Variants in ADGRL1 observed in about 807,000 individuals in gnomAD.
ADGRL1 encodes the protein CIRL-1.
In ADGRL1, 31 loss-of-function variants were observed where a neutral mutation model predicts 148.9. The ratio of observed to expected loss-of-function variants is 0.21; its 90% confidence interval spans 0.16 to 0.28. The LOEUF is 0.28. Among genes scored for constraint, ADGRL1 ranks in the 10% least tolerant of loss-of-function variants. The pLI is 1.00. For missense variants in ADGRL1, 1,521 were observed against 2,058.8 expected, an observed-to-expected ratio of 0.74 and a Z score of 5.05; for synonymous variants, 937 against 900.3, an observed-to-expected ratio of 1.04 and a Z score of -0.73.
In ADGRL1 at chr19:14,152,727, CCT is replaced by C. The variant is rs1192645305; in HGVS notation, c.3423+55_3423+56del. The C allele has an allele frequency of 6.2e-7, 1 of 1,604,364 alleles. No individual in the cohort carries two copies. The highest frequency in any genetic ancestry group is 1.3e-5 in the African/African-American group (1 of 74,774). ...GAAACCTAGGCCAAGCCACTCCCCA[CCT>C]CTCAGGCTCCAGGTTCCAACACTCA... On this transcript the variant is annotated intron_variant, in intron 19 of 22. Transcript: ENST00000361434. This position sits in a 1 kb window ranked among gnomAD's most constrained non-coding sequence, Gnocchi z 6.1.
At chr19:14,175,334 C>T (rs1970745135) in intron 3 of ADGRL1, among the ~76,000 whole-genome samples, 1 of 151,924 alleles carries the variant, frequency 6.6e-6, no homozygotes, top group Non-Finnish European at 1.5e-5. Context: ...TCCACATACA[C>T]ACATCTGCCC....
At chr19:14,156,808 T>C in intron 15 of ADGRL1, 84 bp from the exon 16 acceptor site, 1 of 1,529,294 alleles carries the variant, frequency 6.5e-7, no homozygotes, top group South Asian at 1.2e-5. Flanking sequence ...CTCTGCAGGC[T>C]GCAGCCTCTG....
At position 14,161,365 on chromosome 19, in the gene ADGRL1, G is replaced by C; in HGVS notation, c.1457C>G (p.Pro486Arg). Residue 486 changes from proline to arginine, a missense_variant, in exon 6 of 23, where the codon CCG becomes CGG. This residue lies in a region of ADGRL1 where 270 missense variants were observed against 320.4 expected (regional missense o/e 0.84). Transcript: ENST00000361434. The surrounding 1 kb of genome is among the most constrained non-coding windows in gnomAD (Gnocchi z 4.4). ...CACCAGCATGCCCTGCTGGGTGGCC[G>C]GCCACTGGACCCGCCGTACCTCTCG... is the stretch of plus-strand genomic sequence containing the variant. ...EPREVRRVQW[P>R]ATQQGMLVER... The C allele has an allele frequency of 6.3e-7, 1 of 1,579,594 alleles. No individual in the cohort carries two copies. The highest frequency in any genetic ancestry group is 8.6e-7 in the Non-Finnish European group (1 of 1,165,168).
chr19:14,179,222 C>T (rs1331454933), intron 2 of ADGRL1, among the ~76,000 whole-genome samples: 1 of 151,638 alleles, frequency 6.6e-6, no homozygotes. Flanking sequence ...AGGTCAGGCA[C>T]GGTGGCTCAC....
intron 1 of ADGRL1, chr19:14,191,059 C>G (rs1041234524): frequency 2.2e-6 from 1 of 445,810 alleles, no homozygotes; most frequent in African/African-American, 2.0e-5. Context: ...CCGACTCTAG[C>G]CTGGCCGACA....
rs564836963 is a variant in ADGRL1 at position 14,188,614 on chromosome 19, G to A, written c.-95-4917C>T. ...ACCCCTAAATCCAGTTCAAGAGTAA[G>A]TCTTTGGGCTGTGTATACTTCCAGA... On this transcript the variant is annotated intron_variant, in intron 1 of 22. Transcript: ENST00000361434. 2.0e-5 allele frequency among the ~76,000 whole-genome samples: 3 copies of A among 152,282 alleles called. No homozygotes were observed. The East Asian group carries it at 5.8e-4, about 29-fold the overall frequency.
chr19:14,151,730 A>C (rs1968219788), intron 22 of ADGRL1, 115 bp from the exon 23 acceptor site: 1 of 1,046,336 alleles, frequency 9.6e-7, no homozygotes, highest in Non-Finnish European at 1.4e-6. Flanking sequence ...GGTTTTCCGT[A>C]GGCTTCCCCC....
At chr19:14,193,479 G>A (rs1442458286) in intron 1 of ADGRL1, among the ~76,000 whole-genome samples, 1 of 151,990 alleles carries the variant, frequency 6.6e-6, no homozygotes, top group African/African-American at 2.4e-5. Context: ...CCCAGCTACT[G>A]GGAAGGCTGA....
chr19:14,164,441 C>T (rs1241013245), intron 4 of ADGRL1, among the ~76,000 whole-genome samples: 1 of 151,926 alleles, frequency 6.6e-6, no homozygotes, highest in African/African-American at 2.4e-5. Context: ...TTAGTGCTGG[C>T]GGAGGAGAGA....
chr19:14,176,718 A>G (rs934848880), intron 3 of ADGRL1, among the ~76,000 whole-genome samples: 2 of 152,084 alleles, frequency 1.3e-5, no homozygotes, highest in African/African-American at 4.8e-5. Flanking sequence ...AGGCGCCTGT[A>G]GTCCCAGCTA....
At chr19:14,186,036 G>A (rs1297330884) in intron 1 of ADGRL1, among the ~76,000 whole-genome samples, 1 of 152,146 alleles carries the variant, frequency 6.6e-6, no homozygotes, top group Non-Finnish European at 1.5e-5. Flanking sequence ...TTTTGCTCAT[G>A]GTGGCCGTAT....
At chr19:14,204,606 T>A (rs1453056025) in intron 1 of ADGRL1, among the ~76,000 whole-genome samples, 1 of 151,772 alleles carries the variant, frequency 6.6e-6, no homozygotes, top group Admixed American at 6.6e-5. Context: ...TGTGCCCCAC[T>A]GGATCCGACC....
chr19:14,193,337 A>T (rs1339074550), intron 1 of ADGRL1, among the ~76,000 whole-genome samples: 1 of 138,692 alleles, frequency 7.2e-6, no homozygotes, highest in Admixed American at 7.8e-5. Flanking sequence ...CTACAACCCC[A>T]GTACTTTGGG....
At position 14,149,916 on chromosome 19, in the gene ADGRL1, T is replaced by TC. The variant is rs1250034141; in HGVS notation, c.*956dup. 2 of 147,044 alleles carry TC rather than the reference T, an allele frequency of 1.4e-5. No individual in the cohort carries two copies. The highest frequency in any genetic ancestry group is 2.0e-4 in the East Asian group (1 of 5,078). The allele number at this position is 147,044 out of a possible 1,614,324, so 9.1% of individuals were successfully genotyped here. On this transcript the variant is annotated 3_prime_UTR_variant, in exon 23 of 23. Transcript: ENST00000361434. ...TGGCTTCAAGTGATGAGATTTTTTT[T>TC]CTTTTCTTTTTTTTTTTTTTTGTCT...
intron 3 of ADGRL1, among the ~76,000 whole-genome samples, chr19:14,173,348 G>A (rs1038341821): frequency 1.3e-5 from 2 of 152,124 alleles, no homozygotes; most frequent in South Asian, 2.1e-4. Flanking sequence ...TTGTAGTCTC[G>A]ACTTCCCGAA....
At position 14,155,520 on chromosome 19, in the gene ADGRL1, C is replaced by T; in HGVS notation, c.3133G>A (p.Ala1045Thr). 6.2e-7 allele frequency: 1 copy of T among 1,613,476 alleles called. No homozygotes were observed. Among genetic ancestry groups the T allele is most frequent in the East Asian group, 2.2e-5 (1 of 44,884 alleles). Residue 1045 changes from alanine (A) to threonine (T), a missense_variant, in exon 18 of 23, where the codon GCG (alanine) becomes ACG (threonine). This residue lies in a region of ADGRL1 where 185 missense variants were observed against 251.7 expected (regional missense o/e 0.74). Transcript: ENST00000361434. This position sits in a 1 kb window ranked among gnomAD's most constrained non-coding sequence, Gnocchi z 5.0. Reference sequence around the variant, plus strand: ...AACAGCAGCGCGATGGCCCCCAGCGCCCAGGATCTGGGAGTGGGGCGACAG... The same window carrying T: ...AACAGCAGCGCGATGGCCCCCAGCGTCCAGGATCTGGGAGTGGGGCGACAG... The part of the protein sequence containing the change: ...SSRLDNIKSW[A>T]LGAIALLFLL...
chr19:14,162,549 G>A lies in ADGRL1; in HGVS notation c.1195+57C>T. 6.7e-7 allele frequency: 1 copy of A among 1,488,408 alleles called. No homozygotes were observed. Among genetic ancestry groups the A allele is most frequent in the South Asian group, 1.3e-5 (1 of 79,774 alleles). The allele number at this position is 1,488,408 out of a possible 1,614,324, so 92.2% of individuals were successfully genotyped here. ...CCCACTCTGGGACCCAGGGGTGGGT[G>A]GGGGTGGAGGGGACAAAGGCAAGCA... On this transcript the variant is annotated intron_variant, in intron 5 of 22. Transcript: ENST00000361434. This position sits in a 1 kb window ranked among gnomAD's most constrained non-coding sequence, Gnocchi z 5.4.
Position 14,155,191 on chromosome 19 carries a change from G to A in ADGRL1, c.3294+168C>T. The stretch of plus-strand genomic sequence containing the variant: ...GTGGTTAAACCCTCCCTAACCCTGA[G>A]CTCGTGCTCCCCTCCCGGTGGACGC... On this transcript the variant is annotated intron_variant, in intron 18 of 22. Coordinates refer to ENST00000361434, the MANE Select transcript of ADGRL1 (RefSeq NM_014921.5). This position sits in a 1 kb window ranked among gnomAD's most constrained non-coding sequence, Gnocchi z 5.0. 1.4e-6 allele frequency: 1 copy of A among 704,722 alleles called. No homozygotes were observed. Among genetic ancestry groups the A allele is most frequent in the Non-Finnish European group, 2.3e-6 (1 of 430,254 alleles). 43.7% of individuals were successfully genotyped at this position (704,722 alleles called of 1,614,324 possible).
chr19:14,153,978 AT>A (rs764616892), intron 18 of ADGRL1, among the ~76,000 whole-genome samples: 21 of 151,682 alleles, frequency 1.4e-4, no homozygotes, highest in Non-Finnish European at 4.4e-5. Flanking sequence ...ACCTAAAAAA[AT>A]AAATAGATCA....
Sources: allele counts gnomAD v4.1 joint callset (sites outside exome capture counted in the v4.1 genomes callset), GRCh38; gene constraint gnomAD v4.1.1; regional missense constraint gnomAD v4.1.1; non-coding constraint Gnocchi (gnomAD v3.1); transcripts MANE v1.5; gene names NCBI Gene and HGNC (gene_info 2026-07-23, HGNC 2026-07-21).